The following DEFB135 variants were observed in gnomAD, a reference collection of about 807,000 sequenced individuals.
The protein encoded by DEFB135 is beta-defensin 135.
In DEFB135, 14 loss-of-function variants were observed where a neutral mutation model predicts 8.9. That is an observed-to-expected ratio of 1.58 (90% confidence interval 1.04 to 2.47). DEFB135 has a LOEUF of 2.47. Ranked by LOEUF, DEFB135 falls within the 30% of genes most tolerant of loss-of-function variation. The probability of loss-of-function intolerance (pLI) is 0.00; values close to 1 mark genes in which losing one functional copy is unlikely to be tolerated. For missense variants in DEFB135, 135 were observed against 94.2 expected (o/e 1.43, Z -1.79); for synonymous variants, 51 against 34.5 (o/e 1.48, Z -1.67).
At position 11,982,352 on chromosome 8, in the gene DEFB135, T is replaced by C. The variant is rs184595299; in HGVS notation, c.32T>C (p.Val11Ala). The C allele has an allele frequency of 2.5e-5, 40 of 1,614,200 alleles. No homozygotes were observed. In the African/African-American group the frequency reaches 3.3e-4, roughly 13 times the overall value. Reference protein sequence around the residue: MATRSVLLALVVLNLLFYVPP... With the variant: MATRSVLLALAVLNLLFYVPP... Reference sequence around the variant, plus strand: ...ACAAGGAGCGTCCTCTTGGCCCTCGTGGTCCTTAACTTACTCTTCTATGTT... The same window carrying C: ...ACAAGGAGCGTCCTCTTGGCCCTCGCGGTCCTTAACTTACTCTTCTATGTT... Residue 11 changes from valine to alanine, a missense_variant, in exon 1 of 2, where the codon GTG becomes GCG. Transcript: ENST00000382208.
chr8:11,984,290 T>A, intron 1 of DEFB135, 131 bp from the exon 2 acceptor site: 6 of 671,114 alleles, frequency 8.9e-6, no homozygotes, highest in Non-Finnish European at 1.3e-5. Context: ...CTATAAAATG[T>A]CTTGAGTATC....
rs1799754111 is a variant in DEFB135, at chr8:11,982,486, C to G, written c.64+102C>G. 4 of 1,336,008 alleles carry G rather than the reference C, an allele frequency of 3.0e-6. No homozygotes were observed. In the Admixed American group the frequency reaches 7.1e-5, roughly 24 times the overall value. The allele number at this position is 1,336,008 out of a possible 1,614,324, so 82.8% of individuals were successfully genotyped here. On this transcript the variant is annotated intron_variant, in intron 1 of 1. Coordinates refer to ENST00000382208, the MANE Select transcript of DEFB135 (RefSeq NM_001033017.3). ...AAAGGCAGGACTTGGACAAAGGAAG[C>G]TGCAACAGGGAGGAAAGTGAGCAGA... is the stretch of plus-strand genomic sequence containing the variant.
intron 1 of DEFB135, among the ~76,000 whole-genome samples, chr8:11,983,679 C>A (rs189846369): frequency 1.3e-5 from 2 of 152,156 alleles, no homozygotes; most frequent in Non-Finnish European, 2.9e-5. Flanking sequence ...ACTTAGCATG[C>A]AAGAGCAGGT....
rs1318161176 is a variant in DEFB135, at chr8:11,982,436, G to A, written c.64+52G>A. On this transcript the variant is annotated intron_variant, in intron 1 of 1. Transcript: ENST00000382208. ...ATTAGGAATAGTAAAGGGAAAAAAG[G>A]TGTGAGGTTCTACAAGAGTGAGAAA... is the stretch of plus-strand genomic sequence containing the variant. 12 of 1,602,118 alleles carry A rather than the reference G, an allele frequency of 7.5e-6. No homozygotes were observed. In the African/African-American group the frequency reaches 8.0e-5, roughly 11 times the overall value.
At chr8:11,982,428 G>C (rs778335297) in intron 1 of DEFB135, 44 bp downstream of exon 1, 1 of 1,605,626 alleles carries the variant, frequency 6.2e-7, no homozygotes, top group Non-Finnish European at 8.5e-7. Flanking sequence ...ATAGTAAAGG[G>C]AAAAAAGGTG....
chr8:11,984,531 GATACT>G lies in DEFB135; in HGVS notation c.180_184del (p.Ile61PhefsTer?), dbSNP rs768718960. 72 of 1,578,780 alleles carry G rather than the reference GATACT, an allele frequency of 4.6e-5. No individual in the cohort carries two copies. In the Middle Eastern group the frequency reaches 1.0e-3, roughly 22 times the overall value. On this transcript the variant is annotated frameshift_variant, in exon 2 of 2. Transcript: ENST00000382208. LOFTEE classifies it high-confidence loss of function. ...AAACGAACAATATCGTATTTTGTGT[GATACT>G]ATACATTTGTGCTGTGTAAACCCAA... is the stretch of plus-strand genomic sequence containing the variant.
intron 1 of DEFB135, among the ~76,000 whole-genome samples, chr8:11,983,260 G>A (rs1015586953): frequency 6.6e-6 from 1 of 152,106 alleles, no homozygotes; most frequent in African/African-American, 2.4e-5. Flanking sequence ...GGGCATGGTG[G>A]CGCATGCCTG....
chr8:11,982,629 G>A (rs1799758288), intron 1 of DEFB135, among the ~76,000 whole-genome samples: 1 of 152,220 alleles, frequency 6.6e-6, no homozygotes, highest in Non-Finnish European at 1.5e-5. Flanking sequence ...AGCTGGTGAA[G>A]TTTGAGGGGA....
In DEFB135 at chr8:11,984,547, G is replaced by T; in HGVS notation, c.191G>T (p.Cys64Phe). 6.4e-7 allele frequency: 1 copy of T among 1,557,478 alleles called. No individual in the cohort carries two copies. The highest frequency in any genetic ancestry group is 1.7e-5 in the Admixed American group (1 of 57,846). ...YRILCDTIHLCCVNPKYLPIL... is the reference protein window; with the variant it reads ...YRILCDTIHLFCVNPKYLPIL... ...ATTTTGTGTGATACTATACATTTGT[G>T]CTGTGTAAACCCAAAATATTTACCT... The change falls in exon 2 of 2, where the codon TGC becomes TTC. Residue 64 changes from cysteine (C) to phenylalanine (F), a missense_variant. By Grantham distance (205) the Cys-to-Phe change is radical. Transcript: ENST00000382208.
intron 1 of DEFB135, among the ~76,000 whole-genome samples, 169 bp from the exon 2 acceptor site, chr8:11,984,252 G>C (rs901954463): frequency 1.3e-5 from 2 of 152,158 alleles, no homozygotes; most frequent in Non-Finnish European, 2.9e-5. Flanking sequence ...GGAAAACAAG[G>C]TAAGAGCAAC....
At chr8:11,983,663 G>A (rs1319950628) in intron 1 of DEFB135, among the ~76,000 whole-genome samples, 2 of 152,158 alleles carry the variant, frequency 1.3e-5, no homozygotes, top group Non-Finnish European at 2.9e-5. Flanking sequence ...TGGAGAAACT[G>A]ATAAGACTTA....
At chr8:11,982,600 T>C (rs533129512) in intron 1 of DEFB135, among the ~76,000 whole-genome samples, 1 of 152,246 alleles carries the variant, frequency 6.6e-6, no homozygotes, top group East Asian at 1.9e-4. Context: ...AGAAACTGGT[T>C]ATGGATTTTG....
At position 11,984,569 on chromosome 8, in the gene DEFB135, A is replaced by T; in HGVS notation, c.213A>T (p.Leu71Phe). The T allele has an allele frequency of 6.6e-7, 1 of 1,516,934 alleles. No homozygotes were observed. The highest frequency in any genetic ancestry group is 8.9e-7 in the Non-Finnish European group (1 of 1,119,006). 94.0% of individuals were successfully genotyped at this position (1,516,934 alleles called of 1,614,324 possible). ...TGTGCTGTGTAAACCCAAAATATTT[A>T]CCTATACTGACTGGGAAATAGTTGT... ...IHLCCVNPKY[L>F]PILTGK The change falls in exon 2 of 2, where the codon TTA (leucine) becomes TTT (phenylalanine). Residue 71 changes from leucine (L) to phenylalanine (F), a missense_variant. By Grantham distance (22) the Leu-to-Phe change is conservative. Transcript: ENST00000382208.
At chr8:11,984,208 G>A (rs1315863284) in intron 1 of DEFB135, among the ~76,000 whole-genome samples, 2 of 152,160 alleles carry the variant, frequency 1.3e-5, no homozygotes, top group Non-Finnish European at 2.9e-5. Context: ...GTAACTAATT[G>A]TGGATTCATA....
chr8:11,984,012 T>C (rs943381290), intron 1 of DEFB135, among the ~76,000 whole-genome samples: 3 of 152,130 alleles, frequency 2.0e-5, no homozygotes, highest in Admixed American at 1.3e-4. Context: ...CTTCTTTCTT[T>C]ATGCTGACAC....
rs1443318777 is a variant in DEFB135, at chr8:11,982,353, G to C, written c.33G>C (p.Val11=). 1 of 1,614,056 alleles carries C rather than the reference G, an allele frequency of 6.2e-7. No homozygotes were observed. MATRSVLLAL[V]VLNLLFYVPP... ...CAAGGAGCGTCCTCTTGGCCCTCGTGGTCCTTAACTTACTCTTCTATGTTC... is the reference window on the plus strand; with the variant it reads ...CAAGGAGCGTCCTCTTGGCCCTCGTCGTCCTTAACTTACTCTTCTATGTTC... Residue 11 remains valine (V), a synonymous_variant, in exon 1 of 2, where the codon GTG becomes GTC. Transcript: ENST00000382208.
In DEFB135 at chr8:11,982,313, T is replaced by C. The variant is rs112652650; in HGVS notation, c.-8T>C. The C allele has an allele frequency of 6.2e-7, 1 of 1,614,168 alleles. No homozygotes were observed. The highest frequency in any genetic ancestry group is 8.5e-7 in the Non-Finnish European group (1 of 1,180,030). ...CGATGAGTCACAGCTGCTTCTTTGCTGATTGGTATGGCCACAAGGAGCGTC... is the reference window on the plus strand; with the variant it reads ...CGATGAGTCACAGCTGCTTCTTTGCCGATTGGTATGGCCACAAGGAGCGTC... On this transcript the variant is annotated 5_prime_UTR_variant, in exon 1 of 2. Transcript: ENST00000382208.
chr8:11,984,291 C>G, intron 1 of DEFB135, 130 bp from the exon 2 acceptor site: 1 of 683,980 alleles, frequency 1.5e-6, no homozygotes, highest in Non-Finnish European at 2.2e-6. Context: ...TATAAAATGT[C>G]TTGAGTATCT....
intron 1 of DEFB135, among the ~76,000 whole-genome samples, chr8:11,982,657 C>T (rs568583244): frequency 1.3e-5 from 2 of 152,138 alleles, no homozygotes; most frequent in Admixed American, 1.3e-4. Context: ...ACTGTTGGTA[C>T]TGGCAGAAGT....
Sources: gnomAD v4.1 joint callset for allele counts (sites outside exome capture counted in the v4.1 genomes callset) on GRCh38, gnomAD v4.1.1 for gene constraint, MANE v1.5 for transcripts, NCBI Gene and HGNC (gene_info 2026-07-23, HGNC 2026-07-21) for gene names.